Variants in TNKS1BP1 observed in about 807,000 individuals in gnomAD.
The protein encoded by TNKS1BP1 is 182 kDa tankyrase-1-binding protein.
Under a neutral mutation model 141.1 loss-of-function variants are expected in TNKS1BP1, and 48 were observed. That is an observed-to-expected ratio of 0.34 (90% confidence interval 0.27 to 0.43). TNKS1BP1 has a LOEUF of 0.43. TNKS1BP1 is among the 20% of genes least tolerant of loss of function. TNKS1BP1 has a pLI of 1.00. For synonymous variants in TNKS1BP1, 875 were observed against 898.2 expected (o/e 0.97, Z 0.46); for missense variants, 2,149 against 2,226.0 (o/e 0.97, Z 0.70).
chr11:57,315,102 C>A lies in TNKS1BP1; in HGVS notation c.799-1213G>T, dbSNP rs564327941. 2.0e-5 allele frequency among the ~76,000 whole-genome samples: 3 copies of A among 152,262 alleles called. No individual in the cohort carries two copies. In the South Asian group the frequency reaches 6.2e-4, roughly 32 times the overall value. On this transcript the variant is annotated intron_variant, in intron 4 of 11. Coordinates refer to ENST00000358252, the MANE Select transcript of TNKS1BP1 (RefSeq NM_033396.3). The stretch of plus-strand genomic sequence containing the variant: ...CCATAGCCAGATGCGACCCTTCCAG[C>A]CTCTGGTTCGTTGACCTCCTCTTCC...
Position 57,310,268 on chromosome 11 carries a change from G to C in TNKS1BP1, c.2443C>G (p.Pro815Ala), listed in dbSNP as rs189954179. The C allele has an allele frequency of 1.2e-6, 2 of 1,614,046 alleles. No homozygotes were observed. Among genetic ancestry groups the C allele is most frequent in the East Asian group, 4.5e-5 (2 of 44,872 alleles). The change falls in exon 6 of 12, where the codon CCA becomes GCA. Residue 815 changes from proline (P) to alanine (A), a missense_variant. Pro to Ala is a conservative substitution (Grantham distance 27). Transcript: ENST00000358252. Reference sequence around the variant, plus strand: ...CGGTCCTGGGCTGTGAGCACCCCTGGGGCAGACACTTTACTCTGGTCTTGG... The same window carrying C: ...CGGTCCTGGGCTGTGAGCACCCCTGCGGCAGACACTTTACTCTGGTCTTGG... ...SSQDQSKVSA[P>A]GVLTAQDRVV...
intron 2 of TNKS1BP1, 48 bp downstream of exon 2, chr11:57,321,744 T>TGCCCCCCCCC: frequency 9.6e-7 from 1 of 1,039,820 alleles, no homozygotes; most frequent in Non-Finnish European, 1.5e-6. Flanking sequence ...CCTCTGTCCT[T>TGCCCCCCCCC]CCCACCCCCC....
intron 5 of TNKS1BP1, chr11:57,311,389 G>T: frequency 1.0e-6 from 1 of 985,672 alleles, no homozygotes. Flanking sequence ...ACCCGCCTTG[G>T]GGCTGCTGGG....
chr11:57,300,809 TG>T, intron 10 of TNKS1BP1, 74 bp downstream of exon 10: 1 of 1,562,918 alleles, frequency 6.4e-7, no homozygotes, highest in Non-Finnish European at 8.7e-7. Flanking sequence ...TTGCCTCTTC[TG>T]TGAAGTGAGA....
In TNKS1BP1 at chr11:57,320,306, C is replaced by CTTGG. The variant is rs1480920864; in HGVS notation, c.497_500dup (p.Lys167AsnfsTer25). ...GGACCTCCTTCCGAGGCTGCTCCAT[C>CTTGG]TTGGCCAGGATCTCTTCCACCGTGG... On this transcript the variant is annotated frameshift_variant, in exon 3 of 12. Transcript: ENST00000358252. LOFTEE classifies it high-confidence loss of function. The CTTGG allele has an allele frequency of 6.2e-7, 1 of 1,614,206 alleles. No individual in the cohort carries two copies. Among genetic ancestry groups the CTTGG allele is most frequent in the South Asian group, 1.1e-5 (1 of 91,092 alleles).
chr11:57,309,667 T>A lies in TNKS1BP1; in HGVS notation c.3044A>T (p.Asp1015Val), dbSNP rs1855673188. 1.9e-6 allele frequency: 3 copies of A among 1,614,144 alleles called. No homozygotes were observed. The highest frequency in any genetic ancestry group is 1.7e-6 in the Non-Finnish European group (2 of 1,180,020). The change falls in exon 6 of 12, where the codon GAT (aspartate) becomes GTT (valine). Residue 1015 changes from aspartate (D) to valine (V), a missense_variant. Asp to Val is a radical substitution (Grantham distance 152). Coordinates refer to ENST00000358252, the MANE Select transcript of TNKS1BP1 (RefSeq NM_033396.3). This position sits in a 1 kb window ranked among gnomAD's most constrained non-coding sequence, Gnocchi z 4.3. ...TCCTCTCTCTCCTGGCCGGCCAGCA[T>A]CCCTGCTGCCCTCTCCAAGGCTGTC... ...VEDSLGEGSRDAGRPGERGSG... is the reference protein window; with the variant it reads ...VEDSLGEGSRVAGRPGERGSG...
intron 6 of TNKS1BP1, among the ~76,000 whole-genome samples, chr11:57,306,207 G>C (rs891140471): frequency 2.0e-5 from 3 of 151,274 alleles, no homozygotes; most frequent in Non-Finnish European, 4.4e-5. Flanking sequence ...GAACCCAGAA[G>C]GCAGAGGTTG....
intron 3 of TNKS1BP1, among the ~76,000 whole-genome samples, chr11:57,318,866 A>G (rs1328522181): frequency 6.6e-6 from 1 of 152,242 alleles, no homozygotes; most frequent in Non-Finnish European, 1.5e-5. Context: ...TTCCTCTCGC[A>G]GGGCGCAGTG....
chr11:57,324,711 G>A (rs1348300452), intron 1 of TNKS1BP1, 129 bp downstream of exon 1: 3 of 918,434 alleles, frequency 3.3e-6, no homozygotes, highest in East Asian at 1.2e-4. Context: ...AAACTTTCCT[G>A]GTGACCCCCC....
intron 4 of TNKS1BP1, among the ~76,000 whole-genome samples, chr11:57,314,971 A>G (rs956730599): frequency 6.6e-6 from 1 of 151,992 alleles, no homozygotes; most frequent in Non-Finnish European, 1.5e-5. Flanking sequence ...AGCACCCACA[A>G]TTCTTTCTTG....
At position 57,308,838 on chromosome 11, in the gene TNKS1BP1, G is replaced by T. The variant is rs755698236; in HGVS notation, c.3873C>A (p.Ala1291=). 4 of 1,614,034 alleles carry T rather than the reference G, an allele frequency of 2.5e-6. No homozygotes were observed. Among genetic ancestry groups the T allele is most frequent in the East Asian group, 4.5e-5 (2 of 44,876 alleles). Residue 1291 remains alanine (A), a synonymous_variant, in exon 6 of 12, where the codon GCC becomes GCA. Coordinates refer to ENST00000358252, the MANE Select transcript of TNKS1BP1 (RefSeq NM_033396.3). The part of the protein sequence containing the change: ...WTPDLGLRNM[A]PGAVCSPGES... ...CTCCAGGACTGCAGACTGCCCCTGGGGCCATGTTTCTCAGCCCAAGGTCAG... is the reference window on the plus strand; with the variant it reads ...CTCCAGGACTGCAGACTGCCCCTGGTGCCATGTTTCTCAGCCCAAGGTCAG...
At position 57,308,386 on chromosome 11, in the gene TNKS1BP1, G is replaced by T. The variant is rs149696192; in HGVS notation, c.4316+9C>A. ...CCTCCCACACTTGGGATGGGGCTCC[G>T]TTCATTACCTTGCTCCGAAGCTGAG... On this transcript the variant is annotated intron_variant, in intron 6 of 11. Coordinates refer to ENST00000358252, the MANE Select transcript of TNKS1BP1 (RefSeq NM_033396.3). The T allele has an allele frequency of 6.2e-7, 1 of 1,609,698 alleles. No homozygotes were observed. The highest frequency in any genetic ancestry group is 8.5e-7 in the Non-Finnish European group (1 of 1,176,982).
rs1427343139 is a variant in TNKS1BP1, at chr11:57,312,957, G to A, written c.1731C>T (p.Gly577=). Residue 577 remains glycine (G), a synonymous_variant, in exon 5 of 12, where the codon GGC becomes GGT. Transcript: ENST00000358252. ...VPLEPLPTTE[G]TPGLPLQQAE... is the part of the protein sequence containing the mutation. ...CCTGCTGCAAAGGTAATCCAGGTGT[G>A]CCCTCAGTTGTAGGCAGGGGCTCAA... The A allele has an allele frequency of 3.1e-6, 5 of 1,613,766 alleles. No homozygotes were observed. Among genetic ancestry groups the A allele is most frequent in the Non-Finnish European group, 4.2e-6 (5 of 1,179,994 alleles).
rs1855944445 is a variant in TNKS1BP1 at position 57,324,873 on chromosome 11, G to A, written c.-99C>T. The A allele has an allele frequency of 2.0e-6, 2 of 989,512 alleles. No individual in the cohort carries two copies. Among genetic ancestry groups the A allele is most frequent in the Admixed American group, 6.2e-5 (1 of 16,238 alleles). 61.3% of individuals were successfully genotyped at this position (989,512 alleles called of 1,614,324 possible). The stretch of plus-strand genomic sequence containing the variant: ...CCGGGGTCCGGCTCCGCTCGGCTCG[G>A]GGCCCCGATGCCAGTCCCCGCCGCC... On this transcript the variant is annotated 5_prime_UTR_variant, in exon 1 of 12. Coordinates refer to ENST00000358252, the MANE Select transcript of TNKS1BP1 (RefSeq NM_033396.3).
intron 6 of TNKS1BP1, among the ~76,000 whole-genome samples, chr11:57,304,872 C>CAA (rs35084894): frequency 0.46 from 33,314 of 72,062 alleles, 7,690 homozygotes; most frequent in East Asian, 0.67. Context: ...AACTCCGTCT[C>CAA]AAAAAAAAAA....
Position 57,302,832 on chromosome 11 carries a change from AG to A in TNKS1BP1, c.4317-8del. ...GGCCGGGCACCTGCCAGGGCTGTAA[AG>A]GGGACAGAGAGAGAACGAGATCATC... On this transcript the variant is annotated splice_region_variant and splice_polypyrimidine_tract_variant and intron_variant, in intron 6 of 11. Transcript: ENST00000358252. The surrounding 1 kb of genome is among the most constrained non-coding windows in gnomAD (Gnocchi z 5.5). The A allele has an allele frequency of 6.6e-7, 1 of 1,520,742 alleles. No homozygotes were observed. The allele number at this position is 1,520,742 out of a possible 1,614,324, so 94.2% of individuals were successfully genotyped here.
At position 57,302,790 on chromosome 11, in the gene TNKS1BP1, C is replaced by A. The variant is rs1387358746; in HGVS notation, c.4352G>T (p.Gly1451Val). Residue 1451 changes from glycine (G) to valine (V), a missense_variant, in exon 7 of 12, where the codon GGC becomes GTC. Physicochemically the swap from Gly to Val is moderately radical, Grantham distance 109. Transcript: ENST00000358252. This position sits in a 1 kb window ranked among gnomAD's most constrained non-coding sequence, Gnocchi z 5.5. The part of the protein sequence containing the change: ...GRCPARPPPS[G>V]SQGLLEEMLA... ...CATCTCCTCCAGCAGGCCCTGGGAG[C>A]CGGAGGGTGGGGGGCGGGCCGGGCA... is the stretch of plus-strand genomic sequence containing the variant. 4 of 1,551,078 alleles carry A rather than the reference C, an allele frequency of 2.6e-6. No individual in the cohort carries two copies. The East Asian group carries it at 9.2e-5, about 36-fold the overall frequency.
At chr11:57,311,018 C>T (rs993619327) in intron 5 of TNKS1BP1, among the ~76,000 whole-genome samples, 1 of 152,186 alleles carries the variant, frequency 6.6e-6, no homozygotes, top group East Asian at 1.9e-4. Context: ...GACAGCTTTT[C>T]CAGCCCGTCC....
At chr11:57,307,995 G>A (rs547905850) in intron 6 of TNKS1BP1, among the ~76,000 whole-genome samples, 39 of 152,290 alleles carry the variant, frequency 2.6e-4, no homozygotes, top group Non-Finnish European at 4.7e-4. Flanking sequence ...AAGAAGACAC[G>A]GAATTCTCTG....
Sources: allele counts gnomAD v4.1 joint callset (sites outside exome capture counted in the v4.1 genomes callset), GRCh38; gene constraint gnomAD v4.1.1; non-coding constraint Gnocchi (gnomAD v3.1); transcripts MANE v1.5; gene names NCBI Gene and HGNC (gene_info 2026-07-23, HGNC 2026-07-21).